The following TBC1D22B variants were observed in gnomAD, a reference collection of about 807,000 sequenced individuals.
TBC1D22B encodes the protein TBC1 domain family member 22B, also known as chromosome 6 open reading frame 197.
In TBC1D22B, 32 loss-of-function variants were observed where a neutral mutation model predicts 69.1. That is an observed-to-expected ratio of 0.46 (90% confidence interval 0.35 to 0.62). The LOEUF is 0.62. Among genes scored for constraint, TBC1D22B ranks in the 20% least tolerant of loss-of-function variants. The pLI, the probability that TBC1D22B is intolerant of heterozygous loss-of-function variation, is 0.00. For missense variants in TBC1D22B, 462 were observed against 630.9 expected (o/e 0.73, Z 2.87); for synonymous variants, 206 against 229.8 (o/e 0.90, Z 0.94).
chr6:37,282,201 G>A lies in TBC1D22B; in HGVS notation c.438G>A (p.Arg146=), dbSNP rs749249436. 3.7e-6 allele frequency: 6 copies of A among 1,613,926 alleles called. No individual in the cohort carries two copies. Among genetic ancestry groups the A allele is most frequent in the South Asian group, 1.1e-5 (1 of 91,076 alleles). The change falls in exon 4 of 13, where the codon AGG becomes AGA. Residue 146 remains arginine (R), a synonymous_variant. Transcript: ENST00000373491. ...TGATCTCAGGTGATACATGCCTGAG[G>A]AACCCACTCCACAAACAGCAATCAC... ...LSRNSSDTCL[R]NPLHKQQSLP... is the part of the protein sequence containing the mutation.
chr6:37,275,915 C>A (rs926655473), intron 2 of TBC1D22B, among the ~76,000 whole-genome samples: 1 of 151,836 alleles, frequency 6.6e-6, no homozygotes, highest in Non-Finnish European at 1.5e-5. Flanking sequence ...TCAGTGGTAA[C>A]CCAAAGTACC....
intron 7 of TBC1D22B, among the ~76,000 whole-genome samples, chr6:37,287,278 C>T (rs755776249): frequency 4.6e-5 from 7 of 152,284 alleles, no homozygotes; most frequent in Middle Eastern, 3.4e-3. Context: ...GGAACTTGCT[C>T]AGAATTTTGA....
intron 8 of TBC1D22B, among the ~76,000 whole-genome samples, chr6:37,306,300 C>T (rs748082450): frequency 6.6e-6 from 1 of 152,156 alleles, no homozygotes; most frequent in Non-Finnish European, 1.5e-5. Flanking sequence ...AGTGAGAAAT[C>T]GTAACAGAGG....
intron 1 of TBC1D22B, among the ~76,000 whole-genome samples, chr6:37,268,497 A>G (rs1005838601): frequency 3.9e-5 from 6 of 152,134 alleles, no homozygotes; most frequent in Non-Finnish European, 7.4e-5. Context: ...CCAAAGTGCT[A>G]GGATTACAGT....
chr6:37,269,474 T>A (rs553765851), intron 1 of TBC1D22B, 120 bp from the exon 2 acceptor site: 1 of 873,434 alleles, frequency 1.1e-6, no homozygotes, highest in East Asian at 2.6e-5. Flanking sequence ...TTGAGTACAG[T>A]TATTAGAGAT....
chr6:37,316,908 C>T, intron 11 of TBC1D22B, 78 bp downstream of exon 11: 2 of 1,601,168 alleles, frequency 1.2e-6, no homozygotes, highest in Admixed American at 1.7e-5. Context: ...TGGAATGTAG[C>T]TGCTTAGAAG....
intron 1 of TBC1D22B, among the ~76,000 whole-genome samples, chr6:37,265,811 A>G (rs915103554): frequency 6.6e-6 from 1 of 152,200 alleles, no homozygotes; most frequent in Non-Finnish European, 1.5e-5. Flanking sequence ...ATTATATGTA[A>G]GATTTCCTCT....
At chr6:37,286,964 A>C (rs766013507) in intron 6 of TBC1D22B, 43 bp from the exon 7 acceptor site, 14 of 1,569,462 alleles carry the variant, frequency 8.9e-6, no homozygotes, top group African/African-American at 4.4e-5. Flanking sequence ...AAAACAAAAA[A>C]AAACTGGCAT....
chr6:37,280,379 TAGA>T (rs1431192793), intron 3 of TBC1D22B, among the ~76,000 whole-genome samples: 2 of 152,270 alleles, frequency 1.3e-5, no homozygotes, highest in East Asian at 3.9e-4. Flanking sequence ...GAAAAGGAAG[TAGA>T]AGAACATCAG....
chr6:37,284,547 T>C (rs1766945979), intron 6 of TBC1D22B, 83 bp downstream of exon 6: 1 of 1,411,318 alleles, frequency 7.1e-7, no homozygotes, highest in Non-Finnish European at 9.4e-7. Flanking sequence ...GGGTACAGGC[T>C]TTCCAAGTCT....
intron 7 of TBC1D22B, among the ~76,000 whole-genome samples, chr6:37,288,577 A>T (rs1455657299): frequency 6.6e-6 from 1 of 152,070 alleles, no homozygotes; most frequent in African/African-American, 2.4e-5. Context: ...TCTCAAAAAA[A>T]TTACAGAATT....
In TBC1D22B at chr6:37,285,026, A is replaced by C. The variant is rs183665041; in HGVS notation, c.801+562A>C. Among the ~76,000 whole-genome samples, 45 of 152,274 alleles carry C rather than the reference A, an allele frequency of 3.0e-4. 1 individual carries two copies. The highest frequency in any genetic ancestry group is 2.7e-3 in the Admixed American group (42 of 15,300). On this transcript the variant is annotated intron_variant, in intron 6 of 12. Coordinates refer to ENST00000373491, the MANE Select transcript of TBC1D22B (RefSeq NM_017772.4). ...GTCAGGGAGTCTTCTGTCATTGCCC[A>C]TAATGGTCCTCATGGTCTGCGGAAA...
At chr6:37,290,128 A>G (rs750096689) in intron 7 of TBC1D22B, among the ~76,000 whole-genome samples, 1 of 152,010 alleles carries the variant, frequency 6.6e-6, no homozygotes, top group Non-Finnish European at 1.5e-5. Flanking sequence ...AAAACCATAT[A>G]ACCATTTCCT....
At chr6:37,298,865 G>A (rs2113762806) in intron 8 of TBC1D22B, among the ~76,000 whole-genome samples, 1 of 152,232 alleles carries the variant, frequency 6.6e-6, no homozygotes, top group East Asian at 1.9e-4. Context: ...ACAGTTTTTA[G>A]CTGTTATAAG....
At chr6:37,296,493 G>A (rs1767376854) in intron 8 of TBC1D22B, among the ~76,000 whole-genome samples, 2 of 151,994 alleles carry the variant, frequency 1.3e-5, no homozygotes, top group South Asian at 4.1e-4. Context: ...GGACTACAGG[G>A]GAGTGCCATC....
At chr6:37,290,812 T>G (rs1448231556) in intron 7 of TBC1D22B, among the ~76,000 whole-genome samples, 1 of 150,736 alleles carries the variant, frequency 6.6e-6, no homozygotes, top group African/African-American at 2.5e-5. Context: ...ATTTCCTGTC[T>G]AAATCCTATA....
chr6:37,296,456 C>G (rs939370702), intron 8 of TBC1D22B, among the ~76,000 whole-genome samples: 1 of 151,698 alleles, frequency 6.6e-6, no homozygotes, highest in African/African-American at 2.4e-5. Context: ...TCAAGTGATC[C>G]TCTCACCTCA....
chr6:37,307,776 G>A (rs570253306), intron 8 of TBC1D22B, among the ~76,000 whole-genome samples: 7 of 152,328 alleles, frequency 4.6e-5, no homozygotes, highest in Non-Finnish European at 8.8e-5. Context: ...CAGCTGAGGC[G>A]TTGGAGCCTC....
intron 8 of TBC1D22B, among the ~76,000 whole-genome samples, chr6:37,307,905 G>A (rs1027814683): frequency 6.6e-6 from 1 of 152,226 alleles, no homozygotes; most frequent in Non-Finnish European, 1.5e-5. Flanking sequence ...AGTTACTCTT[G>A]TTGGTGTTGG....
Sources: allele counts gnomAD v4.1 joint callset (sites outside exome capture counted in the v4.1 genomes callset), GRCh38; gene constraint gnomAD v4.1.1; transcripts MANE v1.5; gene names NCBI Gene and HGNC (gene_info 2026-07-23, HGNC 2026-07-21).